The following BET1 variants were observed in gnomAD, a reference collection of about 807,000 sequenced individuals.
BET1 encodes the protein Bet1 golgi vesicular membrane trafficking protein.
A neutral mutation model predicts 13.9 loss-of-function variants in BET1; 9 were observed. The ratio of observed to expected loss-of-function variants is 0.65; its 90% CI spans 0.39 to 1.13. The LOEUF is 1.13. Ranked by LOEUF, BET1 falls within the 50% of genes most tolerant of loss-of-function variation. The pLI, the probability that BET1 is intolerant of heterozygous loss-of-function variation, is 0.01. For missense variants in BET1, 127 were observed against 133.6 expected (o/e 0.95, Z 0.24); for synonymous variants, 39 against 47.3 (o/e 0.82, Z 0.72).
chr7:94,000,853 C>A (rs541755192), intron 1 of BET1, among the ~76,000 whole-genome samples: 1 of 152,114 alleles, frequency 6.6e-6, no homozygotes, highest in African/African-American at 2.4e-5. Context: ...AGTCTCAGAG[C>A]CTGCTGCACA....
rs568353030 is a variant in BET1, at chr7:93,979,840, T to G, written c.236-3740A>C. On this transcript the variant is annotated intron_variant and NMD_transcript_variant, in intron 4 of 6. Coordinates refer to the BET1 transcript ENST00000357520. Reference sequence around the variant, plus strand: ...GGCCTTAGGTTCTGACTAGACTCAATGTACTCTAGATGCTGGGAGCCACTG... The same window carrying G: ...GGCCTTAGGTTCTGACTAGACTCAAGGTACTCTAGATGCTGGGAGCCACTG... Among the ~76,000 whole-genome samples, 14 of 152,072 alleles carry G rather than the reference T, an allele frequency of 9.2e-5. No individual in the cohort carries two copies. The East Asian group carries it at 2.7e-3, about 30-fold the overall frequency.
At chr7:93,996,368 A>C in intron 2 of BET1, 47 bp from the exon 3 acceptor site, 1 of 1,299,882 alleles carries the variant, frequency 7.7e-7, no homozygotes, top group Non-Finnish European at 1.1e-6. Flanking sequence ...AAAAGTATTC[A>C]AGTGTTATAA....
intron 1 of BET1, among the ~76,000 whole-genome samples, chr7:94,000,097 G>T (rs2116140996): frequency 6.7e-6 from 1 of 148,930 alleles, no homozygotes; most frequent in East Asian, 2.0e-4. Flanking sequence ...CAGGGTGTTA[G>T]TTAACTATAC....
intron 1 of BET1, among the ~76,000 whole-genome samples, chr7:94,001,603 AG>A (rs1397181206): frequency 6.6e-6 from 1 of 152,264 alleles, no homozygotes; most frequent in Non-Finnish European, 1.5e-5. Flanking sequence ...TTATTATAAA[AG>A]AACTCAAGGA....
intron 4 of BET1, among the ~76,000 whole-genome samples, chr7:93,981,765 G>A (rs1326042112): frequency 6.6e-6 from 1 of 152,182 alleles, no homozygotes; most frequent in African/African-American, 2.4e-5. Context: ...GCAGCCACTG[G>A]AGAAGTAACA....
downstream of BET1, among the ~76,000 whole-genome samples, chr7:93,989,019 GTTGT>G (rs1031521143): frequency 8.0e-5 from 12 of 149,448 alleles, no homozygotes; most frequent in Admixed American, 4.7e-4. Context: ...TGTTGTTGTT[GTTGT>G]TTGTTTTTTT....
At chr7:93,970,935 T>C (rs1330366363) in intron 6 of BET1, among the ~76,000 whole-genome samples, 1 of 151,790 alleles carries the variant, frequency 6.6e-6, no homozygotes, top group African/African-American at 2.4e-5. Context: ...CAGACACAGA[T>C]GAAACAAATA....
downstream of BET1, chr7:93,992,462 T>C (rs543169410): frequency 1.0e-6 from 1 of 985,370 alleles, no homozygotes; most frequent in East Asian, 1.1e-4. Context: ...TTCTTTGGCC[T>C]TCTGCTCTTC....
At chr7:93,966,751 T>C (rs558303477) in intron 6 of BET1, among the ~76,000 whole-genome samples, 1 of 151,770 alleles carries the variant, frequency 6.6e-6, no homozygotes, top group Non-Finnish European at 1.5e-5. Context: ...GCCCAAAGGA[T>C]TGGTAGTTTA....
chr7:93,978,577 TTGAC>T (rs1316615074), intron 4 of BET1, among the ~76,000 whole-genome samples: 1 of 152,218 alleles, frequency 6.6e-6, no homozygotes, highest in East Asian at 1.9e-4. Flanking sequence ...GTTGGCTTGT[TTGAC>T]TATTTTCATA....
chr7:93,972,945 T>C (rs1795281389), intron 5 of BET1, among the ~76,000 whole-genome samples: 1 of 151,818 alleles, frequency 6.6e-6, no homozygotes, highest in Non-Finnish European at 1.5e-5. Flanking sequence ...AAGACAGCCT[T>C]ATCTTCTGCA....
chr7:93,988,040 A>G (rs942608890), intron 4 of BET1, among the ~76,000 whole-genome samples: 5 of 152,206 alleles, frequency 3.3e-5, no homozygotes, highest in African/African-American at 1.2e-4. Flanking sequence ...TAATCAAGCC[A>G]TATATTTTTA....
chr7:94,001,546 CTGACACACTATCCA>C (rs1206162308), intron 1 of BET1, among the ~76,000 whole-genome samples: 7 of 152,162 alleles, frequency 4.6e-5, no homozygotes, highest in East Asian at 1.9e-4. Flanking sequence ...AATTTTGCTG[CTGACACACTATCCA>C]TGACACACTA....
At chr7:93,989,162 C>G (rs908726267), downstream of BET1, among the ~76,000 whole-genome samples, 3 of 151,278 alleles carry the variant, frequency 2.0e-5, no homozygotes, top group East Asian at 5.8e-4. Flanking sequence ...TACAGATGCC[C>G]GCCACCACGC....
In BET1 at chr7:93,993,534, A is replaced by G. The variant is rs993532698; in HGVS notation, c.*696T>C. The G allele has an allele frequency of 9.9e-7, 1 of 1,009,478 alleles. No homozygotes were observed. Among genetic ancestry groups the G allele is most frequent in the African/African-American group, 1.7e-5 (1 of 58,402 alleles). The allele number at this position is 1,009,478 out of a possible 1,614,324, so 62.5% of individuals were successfully genotyped here. A position where few individuals can be genotyped will look rare whatever the true frequency, so the allele number is the denominator to read the frequency against. ...TGCTACCTATGTAGTAAAAATCATA[A>G]AACTATTATAAGCCAAGTCAAGAGA... On this transcript the variant is annotated 3_prime_UTR_variant, in exon 4 of 4. Transcript: ENST00000222547.
chr7:94,000,756 G>A (rs1795884769), intron 1 of BET1, among the ~76,000 whole-genome samples: 1 of 152,092 alleles, frequency 6.6e-6, no homozygotes, highest in Non-Finnish European at 1.5e-5. Context: ...TTGAAGATCT[G>A]GATTATGGGG....
chr7:94,003,147 C>T (rs1392138889), intron 1 of BET1, among the ~76,000 whole-genome samples: 1 of 151,972 alleles, frequency 6.6e-6, no homozygotes, highest in East Asian at 1.9e-4. Context: ...AACATTTAGA[C>T]ATATAAAGCT....
chr7:93,980,990 T>C (rs1795418499), intron 4 of BET1, among the ~76,000 whole-genome samples: 2 of 152,198 alleles, frequency 1.3e-5, no homozygotes, highest in Non-Finnish European at 2.9e-5. Context: ...GTATCACTTT[T>C]AGTTTTCTGT....
chr7:93,999,384 G>C, intron 1 of BET1, 90 bp from the exon 2 acceptor site: 1 of 1,488,106 alleles, frequency 6.7e-7, no homozygotes, highest in Admixed American at 2.4e-5. Context: ...ACCCCTGGAG[G>C]GCCTTGCAAA....
Sources: gnomAD v4.1 joint callset for allele counts (sites outside exome capture counted in the v4.1 genomes callset) on GRCh38, gnomAD v4.1.1 for gene constraint, MANE v1.5 for transcripts, NCBI Gene and HGNC (gene_info 2026-07-23, HGNC 2026-07-21) for gene names.